The following SBF2 variants were observed in gnomAD, a reference collection of about 807,000 sequenced individuals.
The protein encoded by SBF2 is myotubularin-related protein 13.
Under a neutral mutation model 225.2 loss-of-function variants are expected in SBF2, and 112 were observed. The ratio of observed to expected loss-of-function variants is 0.50; its 90% CI spans 0.43 to 0.58. The LOEUF (loss-of-function observed/expected upper bound fraction) is 0.58. SBF2 is among the 20% of genes least tolerant of loss of function. SBF2 has a pLI of 0.00. For missense variants in SBF2, 1,996 were observed against 2,206.2 expected (o/e 0.90, Z 1.91); for synonymous variants, 763 against 773.3 (o/e 0.99, Z 0.22).
intron 26 of SBF2, 196 bp downstream of exon 26, chr11:9,839,302 C>T (rs1855941578): frequency 1.6e-6 from 1 of 620,676 alleles, no homozygotes; most frequent in Non-Finnish European, 2.9e-6. Context: ...TTCACCTTCT[C>T]ACCTACTAGA....
intron 17 of SBF2, among the ~76,000 whole-genome samples, chr11:9,878,244 G>GT (rs1859447557): frequency 6.6e-6 from 1 of 152,112 alleles, no homozygotes; most frequent in African/African-American, 2.4e-5. Flanking sequence ...TGATGGGGTT[G>GT]TTTTTTTCTC....
intron 2 of SBF2, among the ~76,000 whole-genome samples, chr11:10,047,321 A>T (rs750195366): frequency 5.9e-5 from 9 of 152,188 alleles, no homozygotes; most frequent in Non-Finnish European, 1.0e-4. Context: ...CCAATACAAT[A>T]TTGGAGAAAA....
intron 2 of SBF2, among the ~76,000 whole-genome samples, chr11:10,144,300 C>T (rs978569525): frequency 5.3e-5 from 8 of 152,146 alleles, no homozygotes; most frequent in Middle Eastern, 3.4e-3. Context: ...CCAGCCTGGG[C>T]AACATGGTAA....
chr11:10,264,963 T>C (rs532023077), intron 1 of SBF2, among the ~76,000 whole-genome samples: 1 of 152,208 alleles, frequency 6.6e-6, no homozygotes. Context: ...TGCCACATTT[T>C]CTTTATCCAG....
At chr11:9,875,445 C>T (rs943006683) in intron 17 of SBF2, among the ~76,000 whole-genome samples, 1 of 152,148 alleles carries the variant, frequency 6.6e-6, no homozygotes, top group African/African-American at 2.4e-5. Context: ...TTCATTTGTA[C>T]AGTTTAAGGC....
rs141684119 is a variant in SBF2 at position 10,127,055 on chromosome 11, T to C, written c.141+66847A>G. Among the ~76,000 whole-genome samples, 13 of 152,164 alleles carry C rather than the reference T, an allele frequency of 8.5e-5. No homozygotes were observed. The East Asian group carries it at 2.5e-3, about 29-fold the overall frequency. ...GGGGCAAAGGGAAATTGAGAGTTTT[T>C]TAAAAAATGAATACAGTGTTTCAGT... On this transcript the variant is annotated intron_variant, in intron 2 of 39. Transcript: ENST00000256190.
chr11:10,276,239 T>C (rs1466528851), intron 1 of SBF2, among the ~76,000 whole-genome samples: 1 of 152,218 alleles, frequency 6.6e-6, no homozygotes. Context: ...CTACCAAAAG[T>C]GAAAACACTT....
intron 2 of SBF2, among the ~76,000 whole-genome samples, chr11:10,111,165 A>C (rs7938788): frequency 0.26 from 40,234 of 152,178 alleles, 5,713 homozygotes; most frequent in Admixed American, 0.35. Context: ...AATATTTTAA[A>C]TTTAGTAACC....
At chr11:10,032,242 A>C (rs1414731475) in intron 3 of SBF2, among the ~76,000 whole-genome samples, 6 of 152,200 alleles carry the variant, frequency 3.9e-5, no homozygotes, top group Non-Finnish European at 8.8e-5. Context: ...TAACAAACCC[A>C]AAATCGTGAT....
intron 2 of SBF2, among the ~76,000 whole-genome samples, chr11:10,128,599 T>C (rs1030052141): frequency 8.5e-5 from 13 of 152,206 alleles, no homozygotes; most frequent in Non-Finnish European, 7.4e-5. Context: ...TAATCTGTAG[T>C]TGTACATTAC....
chr11:10,252,005 C>A (rs986658377), intron 1 of SBF2, among the ~76,000 whole-genome samples: 17 of 152,264 alleles, frequency 1.1e-4, no homozygotes, highest in Admixed American at 1.1e-3. Context: ...CAGGCCAAAC[C>A]AAACTAAAAT....
At chr11:9,999,312 T>A (rs1565114000) in intron 8 of SBF2, among the ~76,000 whole-genome samples, 3 of 151,122 alleles carry the variant, frequency 2.0e-5, no homozygotes. Flanking sequence ...TATGTATGTA[T>A]GTATGTATGT....
At chr11:9,946,497 C>G (rs1205209087) in intron 16 of SBF2, among the ~76,000 whole-genome samples, 1 of 149,908 alleles carries the variant, frequency 6.7e-6, no homozygotes, top group South Asian at 2.1e-4. Context: ...GTCGCCCAGG[C>G]TGGAGTGCAG....
intron 19 of SBF2, 56 bp from the exon 20 acceptor site, chr11:9,853,768 C>T: frequency 6.7e-7 from 1 of 1,490,224 alleles, no homozygotes; most frequent in Non-Finnish European, 9.4e-7. Flanking sequence ...CAAATGACTA[C>T]TATATAGTAG....
chr11:9,968,659 T>C (rs904988569), intron 13 of SBF2, 114 bp from the exon 14 acceptor site: 2 of 833,928 alleles, frequency 2.4e-6, no homozygotes, highest in African/African-American at 3.4e-5. Flanking sequence ...CATACATTCA[T>C]ATATACGCCA....
chr11:9,977,183 G>A (rs1352055852), intron 13 of SBF2, among the ~76,000 whole-genome samples: 1 of 151,942 alleles, frequency 6.6e-6, no homozygotes, highest in Non-Finnish European at 1.5e-5. Context: ...CTTTATATGT[G>A]CATATCAAGA....
chr11:9,934,574 C>A (rs939397501), intron 16 of SBF2, among the ~76,000 whole-genome samples: 1 of 152,052 alleles, frequency 6.6e-6, no homozygotes, highest in Non-Finnish European at 1.5e-5. Flanking sequence ...AATGGCAAAC[C>A]GAATCCAGCA....
chr11:9,938,039 T>C (rs1369248481), intron 16 of SBF2, among the ~76,000 whole-genome samples: 1 of 129,284 alleles, frequency 7.7e-6, no homozygotes. Flanking sequence ...ACACTTGTAA[T>C]CCCAGCACTT....
At chr11:9,972,739 C>T (rs893415730) in intron 13 of SBF2, among the ~76,000 whole-genome samples, 2 of 152,188 alleles carry the variant, frequency 1.3e-5, no homozygotes, top group Non-Finnish European at 2.9e-5. Context: ...CCTCAGCCTC[C>T]CAAAGCGCTG....
Sources: gnomAD v4.1 joint callset for allele counts (sites outside exome capture counted in the v4.1 genomes callset) on GRCh38, gnomAD v4.1.1 for gene constraint, MANE v1.5 for transcripts, NCBI Gene and HGNC (gene_info 2026-07-23, HGNC 2026-07-21) for gene names.